Variants in CCNI observed in about 807,000 individuals in gnomAD.
CCNI encodes the protein cyclin I.
A neutral mutation model predicts 34.1 loss-of-function variants in CCNI; 14 were observed. That is an observed-to-expected ratio of 0.41 (90% CI 0.27 to 0.64). CCNI has a LOEUF of 0.64. Among genes scored for constraint, CCNI ranks in the 30% least tolerant of loss-of-function variants. The pLI is 0.31. For missense variants in CCNI, 385 were observed against 440.5 expected, an observed-to-expected ratio of 0.87 and a Z score of 1.13; for synonymous variants, 154 against 158.4, an observed-to-expected ratio of 0.97 and a Z score of 0.21.
At chr4:77,055,853 T>G (rs1728184951) in intron 5 of CCNI, 109 bp downstream of exon 5, 8 of 902,138 alleles carry the variant, frequency 8.9e-6, no homozygotes, top group Non-Finnish European at 1.2e-5. Context: ...GATATCAAGT[T>G]TTCTTTTTCC....
intron 6 of CCNI, among the ~76,000 whole-genome samples, chr4:77,053,997 TCTAG>T (rs1359805864): frequency 1.3e-5 from 2 of 152,186 alleles, no homozygotes; most frequent in Admixed American, 6.5e-5. Flanking sequence ...TAGGTAGATC[TCTAG>T]CTAACATACT....
intron 1 of CCNI, among the ~76,000 whole-genome samples, chr4:77,067,501 T>C (rs1355665092): frequency 2.0e-5 from 3 of 152,046 alleles, no homozygotes; most frequent in African/African-American, 4.8e-5. Flanking sequence ...TTTATGTTTA[T>C]ATGTATTTGG....
intron 6 of CCNI, among the ~76,000 whole-genome samples, chr4:77,052,391 T>G (rs1157146625): frequency 1.3e-5 from 2 of 152,086 alleles, no homozygotes; most frequent in Non-Finnish European, 2.9e-5. Flanking sequence ...CACACTAATC[T>G]AGGTAGAGTT....
chr4:77,056,279 G>GA lies in CCNI; in HGVS notation c.287dup (p.Leu97ProfsTer7). The GA allele has an allele frequency of 6.2e-7, 1 of 1,613,764 alleles. No homozygotes were observed. Among genetic ancestry groups the GA allele is most frequent in the Non-Finnish European group, 8.5e-7 (1 of 1,179,772 alleles). On this transcript the variant is annotated frameshift_variant, in exon 4 of 7. Transcript: ENST00000237654. LOFTEE classifies it high-confidence loss of function. ...CTTCCTCAACAGTCTTGGCAGCTAG[G>GA]AAAAAACAGCTGATTGCAATACAAC...
chr4:77,057,686 A>G (rs1409532947), intron 3 of CCNI, among the ~76,000 whole-genome samples: 1 of 152,234 alleles, frequency 6.6e-6, no homozygotes, highest in Non-Finnish European at 1.5e-5. Context: ...AATGGGGACA[A>G]TATAAAACCT....
At chr4:77,060,625 A>ATTTT (rs558884443) in intron 2 of CCNI, among the ~76,000 whole-genome samples, 1 of 133,382 alleles carries the variant, frequency 7.5e-6, no homozygotes, top group African/African-American at 2.8e-5. Context: ...GGCCCGGCTA[A>ATTTT]TTTTTTTTTT....
Position 77,048,606 on chromosome 4 carries a change from A to G in CCNI, c.747T>C (p.Thr249=). The change falls in exon 7 of 7, where the codon ACT becomes ACC. Residue 249 remains threonine, a synonymous_variant. Coordinates refer to ENST00000237654, the MANE Select transcript of CCNI (RefSeq NM_006835.3). The part of the protein sequence containing the change: ...CRELVAHHLS[T]LQSSLPLNSV... ...AATTCAGAGGCAGGGAAGACTGCAG[A>G]GTAGAAAGGTGATGTGCCACAAGCT... 1 of 1,591,734 alleles carries G rather than the reference A, an allele frequency of 6.3e-7. No homozygotes were observed.
Position 77,048,567 on chromosome 4 carries a change from G to A in CCNI, c.786C>T (p.Tyr262=), listed in dbSNP as rs1560766463. The A allele has an allele frequency of 6.2e-7, 1 of 1,612,728 alleles. No homozygotes were observed. The highest frequency in any genetic ancestry group is 1.3e-5 in the African/African-American group (1 of 74,942). ...TCACCAGGGTGTGCTTGAGGGGACG[G>A]TAGACATAAACGGAATTCAGAGGCA... ...SSLPLNSVYV[Y]RPLKHTLVTC... Residue 262 remains tyrosine (Y), a synonymous_variant, in exon 7 of 7, where the codon TAC becomes TAT. Transcript: ENST00000237654.
At chr4:77,066,109 G>A (rs1729016791) in intron 2 of CCNI, 140 bp downstream of exon 2, 2 of 685,836 alleles carry the variant, frequency 2.9e-6, no homozygotes, top group Non-Finnish European at 4.8e-6. Context: ...ACACAAAAAA[G>A]AAACAGGGAG....
chr4:77,074,351 A>G lies in CCNI; in HGVS notation c.-44+1121T>C, dbSNP rs558183700. On this transcript the variant is annotated intron_variant, in intron 1 of 6. Coordinates refer to ENST00000237654, the MANE Select transcript of CCNI (RefSeq NM_006835.3). ...TCTCTGGTCCCAGATTAGCCAATCT[A>G]CATCTATTCCGTCCATTATTTCTTA... 2.6e-5 allele frequency among the ~76,000 whole-genome samples: 4 copies of G among 152,356 alleles called. No individual in the cohort carries two copies. In the East Asian group the frequency reaches 7.7e-4, roughly 29 times the overall value.
At position 77,070,646 on chromosome 4, in the gene CCNI, A is replaced by G. The variant is rs190248200; in HGVS notation, c.-43-4241T>C. On this transcript the variant is annotated intron_variant, in intron 1 of 6. Coordinates refer to ENST00000237654, the MANE Select transcript of CCNI (RefSeq NM_006835.3). The stretch of plus-strand genomic sequence containing the variant: ...TTTCTCAGATCTTCAACAATTTGGT[A>G]GGCAAGCTCACTATAATTTCTTCTA... Among the ~76,000 whole-genome samples the G allele has an allele frequency of 6.6e-5, 10 of 152,262 alleles. No homozygotes were observed. In the East Asian group the frequency reaches 1.2e-3, roughly 18 times the overall value.
chr4:77,073,943 G>A (rs1052531924), intron 1 of CCNI, among the ~76,000 whole-genome samples: 7 of 152,178 alleles, frequency 4.6e-5, no homozygotes, highest in African/African-American at 1.7e-4. Context: ...AAAGCGCTAT[G>A]CCATATTAAC....
At chr4:77,049,847 C>T (rs377055266) in intron 6 of CCNI, among the ~76,000 whole-genome samples, 3 of 152,200 alleles carry the variant, frequency 2.0e-5, no homozygotes, top group African/African-American at 7.2e-5. Context: ...AATGACTGTA[C>T]ATGGAAGGCC....
intron 1 of CCNI, 82 bp downstream of exon 1, chr4:77,075,390 G>C (rs944267628): frequency 4.2e-6 from 2 of 473,060 alleles, no homozygotes; most frequent in Non-Finnish European, 5.5e-6. Flanking sequence ...CGGGGGCGGC[G>C]CGGGGGGAGC....
At chr4:77,072,452 C>A (rs1376517806) in intron 1 of CCNI, among the ~76,000 whole-genome samples, 14 of 62,236 alleles carry the variant, frequency 2.2e-4, no homozygotes, top group Non-Finnish European at 3.3e-4. Context: ...CTGTCTCCAC[C>A]AAAAAAAAAA....
rs919470071 is a variant in CCNI at position 77,048,169 on chromosome 4, T to C, written c.*50A>G. 2.8e-6 allele frequency: 4 copies of C among 1,450,452 alleles called. No homozygotes were observed. In the African/African-American group the frequency reaches 4.2e-5, roughly 15 times the overall value. 89.8% of individuals were successfully genotyped at this position (1,450,452 alleles called of 1,614,324 possible). On this transcript the variant is annotated 3_prime_UTR_variant, in exon 7 of 7. Coordinates refer to ENST00000237654, the MANE Select transcript of CCNI (RefSeq NM_006835.3). ...CTTTCCTGATTTTGCATGTTCTCATTCCCAAAGTAGTCTACCTTAGTTTAC... is the reference window on the plus strand; with the variant it reads ...CTTTCCTGATTTTGCATGTTCTCATCCCCAAAGTAGTCTACCTTAGTTTAC...
chr4:77,068,136 C>T (rs1052569021), intron 1 of CCNI, among the ~76,000 whole-genome samples: 1 of 152,052 alleles, frequency 6.6e-6, no homozygotes, highest in Non-Finnish European at 1.5e-5. Context: ...CAAGATTGCA[C>T]CACTGCACTC....
chr4:77,059,939 A>C (rs1387124235), intron 2 of CCNI, among the ~76,000 whole-genome samples: 1 of 152,198 alleles, frequency 6.6e-6, no homozygotes, highest in Admixed American at 6.5e-5. Context: ...AAACACATCA[A>C]CAAGGAAATA....
In CCNI at chr4:77,073,086, AT is replaced by A. The variant is rs4252788; in HGVS notation, c.-44+2385del. ...TTAGTTTTAACAGAACTATATAGTT[AT>A]GTTTTGTTACTGTATGCCTATTGTT... On this transcript the variant is annotated intron_variant, in intron 1 of 6. Coordinates refer to ENST00000237654, the MANE Select transcript of CCNI (RefSeq NM_006835.3). 1.8e-3 allele frequency among the ~76,000 whole-genome samples: 267 copies of A among 152,336 alleles called. 1 individual carries two copies. Among genetic ancestry groups the A allele is most frequent in the African/African-American group, 6.1e-3 (253 of 41,578 alleles).
Sources: allele counts gnomAD v4.1 joint callset (sites outside exome capture counted in the v4.1 genomes callset), GRCh38; gene constraint gnomAD v4.1.1; transcripts MANE v1.5; gene names NCBI Gene and HGNC (gene_info 2026-07-23, HGNC 2026-07-21).